RGS7: variants seen among roughly 807,000 people sequenced by gnomAD.
RGS7 encodes regulator of G protein signaling 7.
RGS7 carries 27 observed loss-of-function variants against 81.1 expected under a neutral mutation model. The ratio of observed to expected loss-of-function variants is 0.33; its 90% CI spans 0.25 to 0.46. The LOEUF is 0.46. Ranked by LOEUF, RGS7 falls within the 20% of genes least tolerant of loss-of-function variation. The pLI, the probability that RGS7 is intolerant of heterozygous loss-of-function variation, is 1.00. For missense variants in RGS7, 396 were observed against 607.4 expected (o/e 0.65, Z 3.66); for synonymous variants, 208 against 207.7 (o/e 1.00, Z -0.01).
intron 6 of RGS7, among the ~76,000 whole-genome samples, chr1:240,928,350 A>G (rs1674823532): frequency 6.6e-6 from 1 of 152,134 alleles, no homozygotes; most frequent in African/African-American, 2.4e-5. Context: ...GACACTTCGC[A>G]TATATGACCC....
intron 14 of RGS7, among the ~76,000 whole-genome samples, chr1:240,810,440 G>A (rs1689637185): frequency 7.5e-6 from 1 of 133,430 alleles, no homozygotes; most frequent in Non-Finnish European, 1.6e-5. Context: ...TATTTTTAAT[G>A]CATTCTTTTT....
intron 3 of RGS7, among the ~76,000 whole-genome samples, chr1:241,086,648 A>G (rs2063468573): frequency 6.6e-6 from 1 of 152,058 alleles, no homozygotes; most frequent in Non-Finnish European, 1.5e-5. Context: ...GAAAAAAAAA[A>G]AGAAAAACAA....
intron 2 of RGS7, among the ~76,000 whole-genome samples, chr1:241,175,826 C>A (rs1485024757): frequency 2.6e-5 from 4 of 152,294 alleles, no homozygotes; most frequent in Non-Finnish European, 4.4e-5. Flanking sequence ...GGAACAGCTA[C>A]AATCAAACAC....
intron 9 of RGS7, among the ~76,000 whole-genome samples, chr1:240,831,060 C>A (rs1053615666): frequency 1.3e-5 from 2 of 152,158 alleles, no homozygotes; most frequent in Non-Finnish European, 2.9e-5. Context: ...TCATTAGAGA[C>A]TGAACGGTAA....
chr1:241,350,018 T>G (rs2083138024), intron 2 of RGS7, among the ~76,000 whole-genome samples: 3 of 152,164 alleles, frequency 2.0e-5, no homozygotes, highest in Admixed American at 2.0e-4. Context: ...TCAATTAGAT[T>G]CAGGGAGATT....
chr1:241,025,961 T>C (rs1309977080), intron 3 of RGS7, among the ~76,000 whole-genome samples: 1 of 152,224 alleles, frequency 6.6e-6, no homozygotes, highest in Non-Finnish European at 1.5e-5. Flanking sequence ...GTGCAGCACA[T>C]AGCATTAATA....
At chr1:240,969,435 T>G (rs892359281) in intron 4 of RGS7, among the ~76,000 whole-genome samples, 1 of 152,198 alleles carries the variant, frequency 6.6e-6, no homozygotes, top group Non-Finnish European at 1.5e-5. Context: ...TGTAGAAATA[T>G]CAAGCTCTGC....
At position 241,007,673 on chromosome 1, in the gene RGS7, C is replaced by T. The variant is rs942091861; in HGVS notation, c.176-24544G>A. 2.4e-4 allele frequency among the ~76,000 whole-genome samples: 37 copies of T among 152,220 alleles called. 1 individual carries two copies. Among genetic ancestry groups the T allele is most frequent in the Admixed American group, 2.3e-3 (35 of 15,286 alleles). On this transcript the variant is annotated intron_variant, in intron 3 of 18. Coordinates refer to ENST00000440928, the MANE Select transcript of RGS7 (RefSeq NM_001364886.1). ...GTGTATTCCTTATTTTTCCTATGAA[C>T]CAGAAGGCCTGACAATCTTTTGAGG...
chr1:241,257,736 G>C (rs571313730), intron 2 of RGS7, among the ~76,000 whole-genome samples: 50 of 151,590 alleles, frequency 3.3e-4, no homozygotes, highest in Admixed American at 9.2e-4. Flanking sequence ...ACACACAAAG[G>C]AAAAAAAATG....
At chr1:241,269,141 G>A (rs920620040) in intron 2 of RGS7, among the ~76,000 whole-genome samples, 3 of 152,152 alleles carry the variant, frequency 2.0e-5, no homozygotes, top group Non-Finnish European at 2.9e-5. Context: ...CATGCTCCCA[G>A]ATTAGTTTTA....
At chr1:241,289,530 G>A (rs745443666) in intron 2 of RGS7, among the ~76,000 whole-genome samples, 3 of 152,136 alleles carry the variant, frequency 2.0e-5, no homozygotes, top group Non-Finnish European at 2.9e-5. Context: ...CATATCTTGA[G>A]GAAGTTTTCT....
chr1:241,002,975 A>T (rs1463771864), intron 3 of RGS7, among the ~76,000 whole-genome samples: 1 of 152,194 alleles, frequency 6.6e-6, no homozygotes, highest in East Asian at 1.9e-4. Context: ...GTTTTCATAC[A>T]CTTGTTAGTT....
chr1:240,963,364 T>C (rs1681775614), intron 4 of RGS7, among the ~76,000 whole-genome samples: 1 of 151,908 alleles, frequency 6.6e-6, no homozygotes, highest in Non-Finnish European at 1.5e-5. Flanking sequence ...ATGGGCAAAA[T>C]AAGGAAGTGC....
chr1:241,220,979 A>AGAGAGAG (rs1379234576), intron 2 of RGS7, among the ~76,000 whole-genome samples: 10 of 79,570 alleles, frequency 1.3e-4, no homozygotes, highest in East Asian at 6.4e-4. Context: ...GGAAGGAAGG[A>AGAGAGAG]AGGAAGGAAG....
chr1:240,825,337 T>C (rs1169092215), intron 10 of RGS7, among the ~76,000 whole-genome samples: 2 of 152,180 alleles, frequency 1.3e-5, no homozygotes, highest in South Asian at 4.1e-4. Flanking sequence ...CTAAAAAATA[T>C]TAGTATGTGG....
intron 5 of RGS7, among the ~76,000 whole-genome samples, chr1:240,932,871 T>A (rs1046040049): frequency 1.4e-5 from 2 of 138,600 alleles, no homozygotes; most frequent in African/African-American, 5.4e-5. Flanking sequence ...TACTTTGGTA[T>A]CTTTCTTTTT....
chr1:241,017,507 T>A (rs1029651374), intron 3 of RGS7, among the ~76,000 whole-genome samples: 15 of 152,122 alleles, frequency 9.9e-5, no homozygotes, highest in South Asian at 4.1e-4. Context: ...GCCTTTTTTT[T>A]ATGTTGCTTC....
intron 10 of RGS7, among the ~76,000 whole-genome samples, chr1:240,822,357 C>T (rs531389271): frequency 1.4e-4 from 22 of 152,202 alleles, no homozygotes; most frequent in African/African-American, 5.3e-4. Flanking sequence ...GAAAAACAGG[C>T]AGGGGATGTC....
chr1:241,268,276 G>C (rs1208940570), intron 2 of RGS7, among the ~76,000 whole-genome samples: 1 of 152,188 alleles, frequency 6.6e-6, no homozygotes, highest in Admixed American at 6.5e-5. Context: ...TTCCTCTCCT[G>C]CATTCAGCCC....
Sources: allele counts gnomAD v4.1 joint callset (sites outside exome capture counted in the v4.1 genomes callset), GRCh38; gene constraint gnomAD v4.1.1; transcripts MANE v1.5; gene names NCBI Gene and HGNC (gene_info 2026-07-23, HGNC 2026-07-21).